MAPK10: variants seen among roughly 807,000 people sequenced by gnomAD.
The protein encoded by MAPK10 is JNK3 alpha protein kinase.
Under a neutral mutation model 59.3 loss-of-function variants are expected in MAPK10, and 25 were observed. The ratio of observed to expected loss-of-function variants is 0.42; its 90% CI spans 0.31 to 0.59. The LOEUF (loss-of-function observed/expected upper bound fraction) is 0.59. Among genes scored for constraint, MAPK10 ranks in the 20% least tolerant of loss-of-function variants. MAPK10 has a pLI of 0.15. For missense variants in MAPK10, 351 were observed against 568.9 expected, an observed-to-expected ratio of 0.62 and a Z score of 3.90; for synonymous variants, 190 against 200.5, an observed-to-expected ratio of 0.95 and a Z score of 0.44.
chr4:86,267,831 C>T (rs1368049124), intron 2 of MAPK10, among the ~76,000 whole-genome samples: 1 of 152,168 alleles, frequency 6.6e-6, no homozygotes, highest in Non-Finnish European at 1.5e-5. Context: ...TCTCTACCTT[C>T]AGCACTCTCC....
intron 3 of MAPK10, 62 bp from the exon 4 acceptor site, chr4:86,159,529 G>A (rs1223253265): frequency 7.3e-7 from 1 of 1,370,768 alleles, no homozygotes; most frequent in Non-Finnish European, 1.0e-6. Flanking sequence ...ATAATGAGAT[G>A]TACAGAAACT....
At chr4:86,071,209 G>A (rs1204916076) in intron 9 of MAPK10, among the ~76,000 whole-genome samples, 1 of 152,160 alleles carries the variant, frequency 6.6e-6, no homozygotes, top group Non-Finnish European at 1.5e-5. Context: ...AGTCTCTGTT[G>A]ATGACCTTCG....
intron 4 of MAPK10, among the ~76,000 whole-genome samples, chr4:86,138,890 C>T (rs1391086320): frequency 1.3e-5 from 2 of 151,814 alleles, no homozygotes; most frequent in South Asian, 2.1e-4. Flanking sequence ...TATACACCAA[C>T]AACAGACAAA....
At chr4:86,113,403 A>C (rs549597186) in intron 4 of MAPK10, among the ~76,000 whole-genome samples, 8 of 152,296 alleles carry the variant, frequency 5.3e-5, no homozygotes, top group African/African-American at 1.7e-4. Flanking sequence ...CTTCTAAGGC[A>C]GCCCTGGTGG....
intron 4 of MAPK10, among the ~76,000 whole-genome samples, chr4:86,126,578 G>A (rs756718152): frequency 2.6e-5 from 4 of 152,100 alleles, no homozygotes; most frequent in Non-Finnish European, 2.9e-5. Flanking sequence ...CTAAGCTAGC[G>A]TATATTAATT....
Position 86,085,275 on chromosome 4 carries a change from A to G in MAPK10, c.802+13249T>C, listed in dbSNP as rs117621656. Among the ~76,000 whole-genome samples, 443 of 152,322 alleles carry G rather than the reference A, an allele frequency of 2.9e-3. 13 individuals are homozygous for G. The East Asian group carries it at 0.056, about 19-fold the overall frequency. On this transcript the variant is annotated intron_variant, in intron 9 of 13. Transcript: ENST00000641462. ...ATCATATCAAGCTAAAAACTTCTGC[A>G]CAGCAAAGAAAACAATCAACAAAGT...
chr4:86,115,442 C>T (rs532562821), intron 4 of MAPK10, among the ~76,000 whole-genome samples: 1 of 152,214 alleles, frequency 6.6e-6, no homozygotes, highest in South Asian at 2.1e-4. Context: ...TTTCATTCTT[C>T]TCAGTGGGAG....
At chr4:86,169,622 C>T (rs1392719818) in intron 3 of MAPK10, among the ~76,000 whole-genome samples, 1 of 151,910 alleles carries the variant, frequency 6.6e-6, no homozygotes. Context: ...AGAATGGAAC[C>T]AAGTTGGAAA....
rs1365029204 is a variant in MAPK10, at chr4:86,010,469, C to T, written c.*6759G>A. 3.9e-5 allele frequency: 6 copies of T among 152,140 alleles called. No individual in the cohort carries two copies. The highest frequency in any genetic ancestry group is 5.9e-5 in the Non-Finnish European group (4 of 68,030). 9.4% of individuals were successfully genotyped at this position (152,140 alleles called of 1,614,324 possible). ...GTTAAGGACCATGCAATATATATCTCCTACACCGAAGTGTCCAAGAAATGT... is the reference window on the plus strand; with the variant it reads ...GTTAAGGACCATGCAATATATATCTTCTACACCGAAGTGTCCAAGAAATGT... On this transcript the variant is annotated 3_prime_UTR_variant, in exon 14 of 14. Coordinates refer to ENST00000641462, the MANE Select transcript of MAPK10 (RefSeq NM_138982.4).
At chr4:86,120,446 A>T (rs1029071221) in intron 4 of MAPK10, 1 of 152,252 alleles carries the variant, frequency 6.6e-6, no homozygotes, top group Admixed American at 6.5e-5. Context: ...AATCAAAAAC[A>T]TGGGACCAGC....
chr4:86,389,235 A>T (rs529476049), intron 1 of MAPK10, among the ~76,000 whole-genome samples: 2 of 152,208 alleles, frequency 1.3e-5, no homozygotes, highest in South Asian at 4.2e-4. Context: ...TTCCACCATG[A>T]TTGTGAGTTT....
intron 1 of MAPK10, among the ~76,000 whole-genome samples, chr4:86,423,796 T>TATATATATATATATA (rs1746887499): frequency 6.8e-6 from 1 of 146,744 alleles, no homozygotes; most frequent in African/African-American, 2.5e-5. Flanking sequence ...TATATATATA[T>TATATATATATATATA]GTTTAGGAGG....
chr4:86,552,470 AGG>A (rs1759893011), intron 1 of MAPK10, among the ~76,000 whole-genome samples: 1 of 36,166 alleles, frequency 2.8e-5, no homozygotes, highest in African/African-American at 8.6e-5. Flanking sequence ...GGAGGGAGGG[AGG>A]GAGGGAGGGA....
chr4:86,247,878 G>T (rs1469125146), intron 2 of MAPK10, among the ~76,000 whole-genome samples: 1 of 152,172 alleles, frequency 6.6e-6, no homozygotes, highest in Non-Finnish European at 1.5e-5. Context: ...ATGGCAAAAA[G>T]TTCCAAGTGA....
intron 2 of MAPK10, among the ~76,000 whole-genome samples, chr4:86,237,979 T>C (rs1002982530): frequency 6.6e-6 from 1 of 152,238 alleles, no homozygotes; most frequent in Non-Finnish European, 1.5e-5. Flanking sequence ...TAGTTTTGGG[T>C]TTTACATTTA....
intron 3 of MAPK10, among the ~76,000 whole-genome samples, chr4:86,186,361 T>G (rs17011445): frequency 0.085 from 12,899 of 151,920 alleles, 1,217 homozygotes; most frequent in African/African-American, 0.23. Flanking sequence ...ACAATTACAG[T>G]TTAGGGAGAT....
At chr4:86,373,956 G>A (rs1363253750) in intron 1 of MAPK10, among the ~76,000 whole-genome samples, 5 of 152,098 alleles carry the variant, frequency 3.3e-5, no homozygotes, top group African/African-American at 7.2e-5. Flanking sequence ...ACATGCACAC[G>A]TATGTTTATT....
At chr4:86,548,052 A>G (rs112082902) in intron 1 of MAPK10, among the ~76,000 whole-genome samples, 10 of 152,222 alleles carry the variant, frequency 6.6e-5, no homozygotes, top group East Asian at 1.9e-4. Flanking sequence ...CCCCTTCCAC[A>G]CTGTGGAATC....
chr4:86,474,546 C>T (rs1752911728), intron 1 of MAPK10, among the ~76,000 whole-genome samples: 1 of 152,236 alleles, frequency 6.6e-6, no homozygotes. Context: ...GCAAAATACA[C>T]TGAGAAAATT....
Sources: gnomAD v4.1 joint callset for allele counts (sites outside exome capture counted in the v4.1 genomes callset) on GRCh38, gnomAD v4.1.1 for gene constraint, MANE v1.5 for transcripts, NCBI Gene and HGNC (gene_info 2026-07-23, HGNC 2026-07-21) for gene names.